The following PBX3 variants were observed in gnomAD, a reference collection of about 807,000 sequenced individuals.
PBX3 encodes the protein PBX homeobox 3.
PBX3 carries 14 observed loss-of-function variants against 48.5 expected under a neutral mutation model. The ratio of observed to expected loss-of-function variants is 0.29; its 90% CI spans 0.19 to 0.45. PBX3 has a LOEUF of 0.45. Ranked by LOEUF, PBX3 falls within the 20% of genes least tolerant of loss-of-function variation. PBX3 has a pLI of 1.00. For missense variants in PBX3, 386 were observed against 546.7 expected (o/e 0.71, Z 2.93); for synonymous variants, 210 against 200.3 (o/e 1.05, Z -0.41).
At chr9:125,818,062 A>G (rs1838520025) in intron 2 of PBX3, among the ~76,000 whole-genome samples, 2 of 152,010 alleles carry the variant, frequency 1.3e-5, no homozygotes, top group Non-Finnish European at 2.9e-5. Context: ...TAGCTAGCAT[A>G]GTGGCTCACA....
At chr9:125,783,676 G>T (rs1588143187) in intron 2 of PBX3, among the ~76,000 whole-genome samples, 1 of 152,130 alleles carries the variant, frequency 6.6e-6, no homozygotes, top group East Asian at 1.9e-4. Context: ...CTTGTTCATG[G>T]TTTCCTTTAG....
At chr9:125,934,860 C>A (rs552184896) in intron 4 of PBX3, among the ~76,000 whole-genome samples, 2 of 152,296 alleles carry the variant, frequency 1.3e-5, no homozygotes, top group East Asian at 3.9e-4. Context: ...TTGACCAGTG[C>A]AATCATCTCC....
At chr9:125,874,665 G>C (rs1186193734) in intron 2 of PBX3, among the ~76,000 whole-genome samples, 1 of 152,158 alleles carries the variant, frequency 6.6e-6, no homozygotes, top group Non-Finnish European at 1.5e-5. Context: ...TACATTAAAT[G>C]AATCTGTATT....
chr9:125,952,223 T>C (rs1842209460), intron 5 of PBX3, among the ~76,000 whole-genome samples: 1 of 152,246 alleles, frequency 6.6e-6, no homozygotes, highest in South Asian at 2.1e-4. Flanking sequence ...AGATTTGTGC[T>C]TCATAAATTT....
chr9:125,808,539 G>T (rs1266672015), intron 2 of PBX3, among the ~76,000 whole-genome samples: 2 of 152,076 alleles, frequency 1.3e-5, no homozygotes, highest in East Asian at 1.9e-4. Flanking sequence ...GGTGGCATGC[G>T]TTGGTGGTCT....
At chr9:125,909,955 T>C (rs1841164669) in intron 2 of PBX3, among the ~76,000 whole-genome samples, 1 of 152,190 alleles carries the variant, frequency 6.6e-6, no homozygotes, top group African/African-American at 2.4e-5. Flanking sequence ...TGCTGTATGT[T>C]AGAAATAGGC....
chr9:125,791,762 C>T (rs969115810), intron 2 of PBX3, among the ~76,000 whole-genome samples: 11 of 151,804 alleles, frequency 7.2e-5, no homozygotes, highest in African/African-American at 2.2e-4. Context: ...GGTGAAACCC[C>T]GTCTCTACTG....
chr9:125,801,677 A>G (rs1837949673), intron 2 of PBX3, among the ~76,000 whole-genome samples: 1 of 151,564 alleles, frequency 6.6e-6, no homozygotes, highest in Admixed American at 6.6e-5. Flanking sequence ...ATCTTTTTGT[A>G]TTTGAAACTG....
At chr9:125,794,086 CT>C (rs1411783100) in intron 2 of PBX3, among the ~76,000 whole-genome samples, 1 of 152,048 alleles carries the variant, frequency 6.6e-6, no homozygotes, top group Non-Finnish European at 1.5e-5. Flanking sequence ...AAACTGAATT[CT>C]TAATTTTACA....
chr9:125,865,720 G>A (rs1040080282), intron 2 of PBX3, among the ~76,000 whole-genome samples: 1 of 152,138 alleles, frequency 6.6e-6, no homozygotes, highest in African/African-American at 2.4e-5. Context: ...CCTGTCTGGA[G>A]CACTAAACTC....
intron 5 of PBX3, among the ~76,000 whole-genome samples, chr9:125,943,921 T>C (rs1216295637): frequency 1.3e-5 from 2 of 152,204 alleles, no homozygotes; most frequent in Non-Finnish European, 1.5e-5. Flanking sequence ...AGCCTTATAG[T>C]GCAGGAGTCA....
At chr9:125,874,938 A>G (rs1337411963) in intron 2 of PBX3, among the ~76,000 whole-genome samples, 1 of 152,206 alleles carries the variant, frequency 6.6e-6, no homozygotes, top group Non-Finnish European at 1.5e-5. Context: ...ACCCTGCCCA[A>G]AAGTCCATTA....
At chr9:125,787,092 T>G (rs573267675) in intron 2 of PBX3, among the ~76,000 whole-genome samples, 71 of 152,186 alleles carry the variant, frequency 4.7e-4, no homozygotes, top group African/African-American at 1.6e-3. Context: ...CAGGCTGGAG[T>G]GCAGTAGCAT....
intron 2 of PBX3, among the ~76,000 whole-genome samples, chr9:125,795,479 A>G (rs532104059): frequency 4.0e-4 from 61 of 152,294 alleles, no homozygotes; most frequent in Non-Finnish European, 8.8e-5. Context: ...GTTAACCATT[A>G]AATAACTTTA....
At chr9:125,941,754 T>A (rs1209118185) in intron 5 of PBX3, among the ~76,000 whole-genome samples, 1 of 152,256 alleles carries the variant, frequency 6.6e-6, no homozygotes, top group African/African-American at 2.4e-5. Flanking sequence ...AGAATCATAC[T>A]TAAATTGTCA....
At chr9:125,802,123 C>T (rs1323564985) in intron 2 of PBX3, among the ~76,000 whole-genome samples, 2 of 151,956 alleles carry the variant, frequency 1.3e-5, no homozygotes, top group African/African-American at 4.8e-5. Context: ...TTTTGCATTT[C>T]AACTTTTATT....
intron 2 of PBX3, among the ~76,000 whole-genome samples, chr9:125,887,590 A>G (rs772926133): frequency 1.3e-5 from 2 of 152,182 alleles, no homozygotes; most frequent in African/African-American, 2.4e-5. Context: ...GTTTAACAAC[A>G]TATTATCAAG....
chr9:125,905,192 T>C (rs1036871961), intron 2 of PBX3, among the ~76,000 whole-genome samples: 10 of 151,930 alleles, frequency 6.6e-5, no homozygotes, highest in African/African-American at 2.4e-4. Context: ...ACTGATTATG[T>C]TATGGTGATT....
At chr9:125,748,301 C>A in intron 1 of PBX3, 1 of 1,147,348 alleles carries the variant, frequency 8.7e-7, no homozygotes, top group Non-Finnish European at 1.1e-6. Flanking sequence ...GTTCGCGTCG[C>A]GTCTGCAGTG....
Sources: gnomAD v4.1 joint callset for allele counts (sites outside exome capture counted in the v4.1 genomes callset) on GRCh38, gnomAD v4.1.1 for gene constraint, MANE v1.5 for transcripts, NCBI Gene and HGNC (gene_info 2026-07-23, HGNC 2026-07-21) for gene names.